The following PARD3B variants were observed in gnomAD, a reference collection of about 807,000 sequenced individuals.
The protein encoded by PARD3B is par-3 family cell polarity regulator beta.
Under a neutral mutation model 130.2 loss-of-function variants are expected in PARD3B, and 103 were observed. That is an observed-to-expected ratio of 0.79 (90% confidence interval 0.67 to 0.93). The LOEUF (loss-of-function observed/expected upper bound fraction) is 0.93. Ranked by LOEUF, PARD3B falls within the 40% of genes least tolerant of loss-of-function variation. PARD3B has a pLI of 0.00. For synonymous variants in PARD3B, 583 were observed against 553.2 expected (o/e 1.05, Z -0.76); for missense variants, 1,609 against 1,499.2 (o/e 1.07, Z -1.21).
chr2:204,594,937 T>C (rs992147629), intron 1 of PARD3B, among the ~76,000 whole-genome samples: 3 of 152,198 alleles, frequency 2.0e-5, no homozygotes, highest in Non-Finnish European at 2.9e-5. Context: ...CAATTGCTGT[T>C]TCTAAGTGCA....
At chr2:205,165,386 G>T (rs980409454) in intron 11 of PARD3B, among the ~76,000 whole-genome samples, 2 of 151,992 alleles carry the variant, frequency 1.3e-5, no homozygotes, top group Non-Finnish European at 2.9e-5. Flanking sequence ...AAGGCCATAA[G>T]TTGCAGTATA....
At chr2:205,178,766 G>T (rs890434709) in intron 13 of PARD3B, among the ~76,000 whole-genome samples, 1 of 152,210 alleles carries the variant, frequency 6.6e-6, no homozygotes, top group Non-Finnish European at 1.5e-5. Flanking sequence ...ATAAAATACA[G>T]TTATGTGCCA....
intron 16 of PARD3B, among the ~76,000 whole-genome samples, chr2:205,278,918 A>C (rs903307399): frequency 2.0e-5 from 3 of 151,782 alleles, no homozygotes; most frequent in African/African-American, 7.3e-5. Flanking sequence ...AAAAAATATA[A>C]AAATTAGCTG....
At chr2:204,665,594 G>T (rs1223693124) in intron 1 of PARD3B, among the ~76,000 whole-genome samples, 1 of 152,134 alleles carries the variant, frequency 6.6e-6, no homozygotes, top group African/African-American at 2.4e-5. Flanking sequence ...TCTTGGCTGT[G>T]CCATTGGCCA....
chr2:205,119,964 T>C (rs1235581709), intron 7 of PARD3B, among the ~76,000 whole-genome samples: 3 of 152,022 alleles, frequency 2.0e-5, no homozygotes, highest in African/African-American at 4.8e-5. Context: ...CTAATAATCC[T>C]TGGGAGTCAT....
At chr2:205,599,472 A>G (rs1422228791) in intron 22 of PARD3B, among the ~76,000 whole-genome samples, 1 of 152,192 alleles carries the variant, frequency 6.6e-6, no homozygotes, top group Non-Finnish European at 1.5e-5. Context: ...CCAACATTTG[A>G]GAAAAGGAAG....
intron 2 of PARD3B, among the ~76,000 whole-genome samples, chr2:204,772,028 C>T (rs1273427275): frequency 2.0e-5 from 3 of 151,996 alleles, no homozygotes; most frequent in African/African-American, 7.2e-5. Flanking sequence ...GCTTATTTTA[C>T]CTTGTCTTTG....
At chr2:204,747,893 G>T (rs1322101845) in intron 2 of PARD3B, among the ~76,000 whole-genome samples, 1 of 152,014 alleles carries the variant, frequency 6.6e-6, no homozygotes, top group Non-Finnish European at 1.5e-5. Flanking sequence ...CATTTACTAG[G>T]CTTAGGCTGT....
chr2:205,102,116 C>T (rs34968953), intron 4 of PARD3B, among the ~76,000 whole-genome samples: 27,102 of 152,130 alleles, frequency 0.18, 2,675 homozygotes, highest in Middle Eastern at 0.28. Flanking sequence ...GGGCTGCAAA[C>T]TTACAAGCGA....
At chr2:204,880,355 C>A (rs894728243) in intron 2 of PARD3B, among the ~76,000 whole-genome samples, 1 of 152,004 alleles carries the variant, frequency 6.6e-6, no homozygotes, top group African/African-American at 2.4e-5. Flanking sequence ...CATATATGTA[C>A]ATGCAGTTTG....
Position 205,352,144 on chromosome 2 carries a change from T to G in PARD3B, c.2631-48869T>G, listed in dbSNP as rs562211307. 2.0e-5 allele frequency among the ~76,000 whole-genome samples: 3 copies of G among 152,310 alleles called. 1 individual carries two copies. The South Asian group carries it at 6.2e-4, about 32-fold the overall frequency. On this transcript the variant is annotated intron_variant, in intron 18 of 22. Transcript: ENST00000406610. This position sits in a 1 kb window ranked among gnomAD's most constrained non-coding sequence, Gnocchi z 5.2. ...ATAAAGACGGTATTTGTCATTGAGC[T>G]TAGTGCTTTTTGTAGGGTCGGCATA...
chr2:204,777,540 A>G (rs866074476), intron 2 of PARD3B, among the ~76,000 whole-genome samples: 2 of 152,308 alleles, frequency 1.3e-5, no homozygotes, highest in Middle Eastern at 3.4e-3. Flanking sequence ...AGGCTGGGGC[A>G]GGAGGATCAC....
At chr2:204,662,408 T>G (rs1215885717) in intron 1 of PARD3B, among the ~76,000 whole-genome samples, 1 of 152,202 alleles carries the variant, frequency 6.6e-6, no homozygotes, top group African/African-American at 2.4e-5. Flanking sequence ...CTTTATATAT[T>G]TTCAAGAAAA....
chr2:204,600,993 G>A (rs1305304518), intron 1 of PARD3B, among the ~76,000 whole-genome samples: 1 of 151,732 alleles, frequency 6.6e-6, no homozygotes, highest in Non-Finnish European at 1.5e-5. Flanking sequence ...CAACCCATTG[G>A]ACAAGAATGG....
At chr2:205,178,803 A>G (rs932231751) in intron 13 of PARD3B, among the ~76,000 whole-genome samples, 1 of 152,198 alleles carries the variant, frequency 6.6e-6, no homozygotes, top group South Asian at 2.1e-4. Flanking sequence ...TCAACAACAG[A>G]CCACATATAT....
intron 4 of PARD3B, among the ~76,000 whole-genome samples, chr2:205,053,142 C>T (rs1038449215): frequency 6.6e-6 from 1 of 152,058 alleles, no homozygotes; most frequent in East Asian, 1.9e-4. Flanking sequence ...GGAATTTCCC[C>T]TCATATGTCA....
At chr2:204,917,754 A>G (rs1324152141) in intron 2 of PARD3B, among the ~76,000 whole-genome samples, 1 of 152,188 alleles carries the variant, frequency 6.6e-6, no homozygotes, top group Non-Finnish European at 1.5e-5. Context: ...AGAGCATTTC[A>G]TTTGTTGTTC....
chr2:205,560,135 G>A (rs1235785704), intron 22 of PARD3B, among the ~76,000 whole-genome samples: 5 of 152,184 alleles, frequency 3.3e-5, no homozygotes, highest in African/African-American at 4.8e-5. Flanking sequence ...GTCTGGCTGC[G>A]AGTTTGTTCA....
chr2:204,912,694 CA>C (rs1263018927), intron 2 of PARD3B, among the ~76,000 whole-genome samples: 1 of 151,832 alleles, frequency 6.6e-6, no homozygotes, highest in African/African-American at 2.4e-5. Flanking sequence ...TGTTAAGCAA[CA>C]AAGGAAAATA....
Sources: allele counts gnomAD v4.1 joint callset (sites outside exome capture counted in the v4.1 genomes callset), GRCh38; gene constraint gnomAD v4.1.1; non-coding constraint Gnocchi (gnomAD v3.1); transcripts MANE v1.5; gene names NCBI Gene and HGNC (gene_info 2026-07-23, HGNC 2026-07-21).